Variants in XIRP2 observed in about 807,000 individuals in gnomAD.
XIRP2 encodes the protein xin actin-binding repeat-containing protein 2.
XIRP2 carries 236 observed loss-of-function variants against 277.0 expected under a neutral mutation model. The ratio of observed to expected loss-of-function variants is 0.85; its 90% CI spans 0.77 to 0.95. The LOEUF (loss-of-function observed/expected upper bound fraction) is 0.95. Ranked by LOEUF, XIRP2 falls within the 40% of genes least tolerant of loss-of-function variation. The pLI is 0.00. For synonymous variants in XIRP2, 1,490 were observed against 1,416.5 expected (o/e 1.05, Z -1.17); for missense variants, 4,640 against 4,157.5 (o/e 1.12, Z -3.19).
At position 167,221,325 on chromosome 2, in the gene XIRP2, G is replaced by A. The variant is rs187501426; in HGVS notation, c.858+3025G>A. Among the ~76,000 whole-genome samples, 84 of 152,012 alleles carry A rather than the reference G, an allele frequency of 5.5e-4. No individual in the cohort carries two copies. The East Asian group carries it at 0.014, about 25-fold the overall frequency. The stretch of plus-strand genomic sequence containing the variant: ...ACTAAAAATATAAAATTAGCCAGGT[G>A]TGGTGGCGTATGCCTGTAATCCCAG... On this transcript the variant is annotated intron_variant, in intron 5 of 10. Transcript: ENST00000409195.
At chr2:166,988,500 C>A (rs1354745720) in intron 2 of XIRP2, among the ~76,000 whole-genome samples, 1 of 134,194 alleles carries the variant, frequency 7.5e-6, no homozygotes, top group Non-Finnish European at 1.6e-5. Flanking sequence ...GTCTACAGCT[C>A]CCAGCGTGAG....
At chr2:167,168,589 G>GT (rs943510279) in intron 3 of XIRP2, among the ~76,000 whole-genome samples, 5 of 152,032 alleles carry the variant, frequency 3.3e-5, no homozygotes, top group Middle Eastern at 3.4e-3. Flanking sequence ...TTCCTTTTTG[G>GT]TTTTTTCTTA....
chr2:167,122,061 A>G (rs1465557667), intron 2 of XIRP2, among the ~76,000 whole-genome samples: 1 of 152,196 alleles, frequency 6.6e-6, no homozygotes, highest in Non-Finnish European at 1.5e-5. Flanking sequence ...GACAGTAGCA[A>G]ATACCAAAAT....
At chr2:167,241,711 T>C (rs1695072655) in intron 7 of XIRP2, 66 bp from the exon 8 acceptor site, 7 of 1,523,378 alleles carry the variant, frequency 4.6e-6, no homozygotes, top group African/African-American at 1.4e-5. Context: ...TGCCCAGCCA[T>C]AATTTCTTCT....
chr2:167,128,380 T>C (rs1305512994), intron 2 of XIRP2, among the ~76,000 whole-genome samples: 2 of 152,148 alleles, frequency 1.3e-5, no homozygotes, highest in Non-Finnish European at 2.9e-5. Flanking sequence ...ATTTTTTCAG[T>C]AAGTAGTCAA....
At chr2:167,201,263 AGAG>A (rs1693703886) in intron 3 of XIRP2, among the ~76,000 whole-genome samples, 1 of 133,526 alleles carries the variant, frequency 7.5e-6, no homozygotes, top group Non-Finnish European at 1.5e-5. Context: ...AGAAAGAAAG[AGAG>A]AGGGAGAAAG....
Position 167,247,286 on chromosome 2 carries a change from A to G in XIRP2, c.5894A>G (p.His1965Arg), listed in dbSNP as rs776211294. Residue 1965 changes from histidine to arginine, a missense_variant, in exon 9 of 11, where the codon CAT (histidine) becomes CGT (arginine). Coordinates refer to ENST00000409195, the MANE Select transcript of XIRP2 (RefSeq NM_152381.6). ...GSSGEQKTDI[H>R]QVAVQRNKNS... ...TCGGGAGAGCAGAAAACAGATATTC[A>G]TCAGGTTGCTGTCCAGAGGAACAAA... The G allele has an allele frequency of 6.2e-7, 1 of 1,613,752 alleles. No individual in the cohort carries two copies. The highest frequency in any genetic ancestry group is 2.2e-5 in the East Asian group (1 of 44,842).
chr2:167,229,410 C>T (rs1309308180), intron 5 of XIRP2, among the ~76,000 whole-genome samples: 2 of 152,084 alleles, frequency 1.3e-5, no homozygotes, highest in Non-Finnish European at 2.9e-5. Flanking sequence ...ATTTTAACTT[C>T]TTAGATTTTG....
intron 2 of XIRP2, among the ~76,000 whole-genome samples, chr2:167,044,977 A>T (rs1688753091): frequency 6.6e-6 from 1 of 152,078 alleles, no homozygotes; most frequent in Admixed American, 6.6e-5. Context: ...CAGAGGCATC[A>T]CAATTCCTCA....
At chr2:167,068,705 C>T (rs995830219) in intron 2 of XIRP2, among the ~76,000 whole-genome samples, 1 of 151,932 alleles carries the variant, frequency 6.6e-6, no homozygotes, top group Admixed American at 6.6e-5. Context: ...GGCTCAAAGG[C>T]CATAGTTTTT....
chr2:167,231,743 A>C (rs1344221151), intron 5 of XIRP2, among the ~76,000 whole-genome samples: 2 of 151,946 alleles, frequency 1.3e-5, no homozygotes, highest in African/African-American at 2.4e-5. Context: ...GGCTTTGCAT[A>C]AGAGGTTAGT....
chr2:166,931,577 A>T (rs947427187), intron 2 of XIRP2, among the ~76,000 whole-genome samples: 1 of 152,088 alleles, frequency 6.6e-6, no homozygotes, highest in African/African-American at 2.4e-5. Flanking sequence ...GAGCTTTTCC[A>T]TGTTACTGTG....
At chr2:167,252,542 G>A (rs185114965) in intron 9 of XIRP2, among the ~76,000 whole-genome samples, 17 of 151,592 alleles carry the variant, frequency 1.1e-4, no homozygotes, top group East Asian at 2.0e-4. Flanking sequence ...GATTTTTTTC[G>A]CTTTTCTAAA....
chr2:166,946,682 A>C (rs1685875370), intron 2 of XIRP2, among the ~76,000 whole-genome samples: 3 of 152,222 alleles, frequency 2.0e-5, no homozygotes, highest in East Asian at 3.9e-4. Flanking sequence ...TTTCCTCAGA[A>C]GGGTAAAAAT....
chr2:166,922,266 A>G (rs1466694090), intron 2 of XIRP2, among the ~76,000 whole-genome samples: 1 of 152,154 alleles, frequency 6.6e-6, no homozygotes, highest in East Asian at 1.9e-4. Flanking sequence ...CACTCAGGCC[A>G]CAGGCCACTG....
chr2:167,200,978 T>A (rs1559017902), intron 3 of XIRP2, among the ~76,000 whole-genome samples: 1 of 151,364 alleles, frequency 6.6e-6, no homozygotes, highest in African/African-American at 2.4e-5. Context: ...CTACAAAAAT[T>A]AGCCGGGTGT....
chr2:167,139,098 A>G (rs565541377), intron 3 of XIRP2, among the ~76,000 whole-genome samples: 1 of 149,730 alleles, frequency 6.7e-6, no homozygotes, highest in African/African-American at 2.4e-5. Context: ...ATATATACGT[A>G]CGTATATATA....
intron 2 of XIRP2, among the ~76,000 whole-genome samples, chr2:166,981,431 T>TC (rs1326095858): frequency 2.6e-5 from 4 of 152,042 alleles, no homozygotes; most frequent in Non-Finnish European, 5.9e-5. Context: ...TTCTTCTTTT[T>TC]TTTTTTTTAA....
intron 2 of XIRP2, among the ~76,000 whole-genome samples, chr2:166,942,808 G>C (rs1685755585): frequency 6.6e-6 from 1 of 152,036 alleles, no homozygotes; most frequent in South Asian, 2.1e-4. Context: ...GCCTTGAAGA[G>C]AGACTGTTTT....
Sources: allele counts gnomAD v4.1 joint callset (sites outside exome capture counted in the v4.1 genomes callset), GRCh38; gene constraint gnomAD v4.1.1; transcripts MANE v1.5; gene names NCBI Gene and HGNC (gene_info 2026-07-23, HGNC 2026-07-21).